DENND5B: variants seen among roughly 807,000 people sequenced by gnomAD.
DENND5B encodes DENN domain containing 5B.
A neutral mutation model predicts 140.6 loss-of-function variants in DENND5B; 34 were observed. The observed-to-expected ratio is 0.24, with a 90% CI of 0.18 to 0.32. DENND5B has a LOEUF of 0.32. Ranked by LOEUF, DENND5B falls within the 10% of genes least tolerant of loss-of-function variation. The pLI is 1.00. For synonymous variants in DENND5B, 551 were observed against 562.1 expected (o/e 0.98, Z 0.28); for missense variants, 1,142 against 1,560.2 (o/e 0.73, Z 4.52).
intron 6 of DENND5B, 52 bp downstream of exon 6, chr12:31,447,486 G>GA (rs1944323856): frequency 6.7e-7 from 1 of 1,502,886 alleles, no homozygotes. Context: ...CAATTTGTGG[G>GA]AAAAAAGCGA....
intron 7 of DENND5B, among the ~76,000 whole-genome samples, chr12:31,435,510 C>T (rs10771830): frequency 0.38 from 58,285 of 151,964 alleles, 12,045 homozygotes; most frequent in East Asian, 0.57. Context: ...CCTCGTGGCC[C>T]TCTGTAGTCA....
chr12:31,468,132 T>C (rs887389694), intron 3 of DENND5B, among the ~76,000 whole-genome samples: 1 of 152,082 alleles, frequency 6.6e-6, no homozygotes, highest in African/African-American at 2.4e-5. Context: ...CATGCACCTG[T>C]AGTCCCAGCT....
rs1297030049 is a variant in DENND5B, at chr12:31,480,224, G to A, written c.269C>T (p.Thr90Ile). ...LCMPKGLSFRTQTDNKDPQFH... is the reference protein window; with the variant it reads ...LCMPKGLSFRIQTDNKDPQFH... Reference sequence around the variant, plus strand: ...CTGGGGGTCTTTATTGTCCGTTTGTGTCCTGAAAGATAGCCCTTTAGGCAT... The same window carrying A: ...CTGGGGGTCTTTATTGTCCGTTTGTATCCTGAAAGATAGCCCTTTAGGCAT... Residue 90 changes from threonine (T) to isoleucine (I), a missense_variant, in exon 3 of 21, where the codon ACA becomes ATA. Coordinates refer to ENST00000389082, the MANE Select transcript of DENND5B (RefSeq NM_144973.4). 2 of 1,592,336 alleles carry A rather than the reference G, an allele frequency of 1.3e-6. No homozygotes were observed. Among genetic ancestry groups the A allele is most frequent in the South Asian group, 2.3e-5 (2 of 87,696 alleles).
At chr12:31,445,358 C>T (rs952855520) in intron 6 of DENND5B, among the ~76,000 whole-genome samples, 1 of 152,148 alleles carries the variant, frequency 6.6e-6, no homozygotes, top group Non-Finnish European at 1.5e-5. Context: ...AGTTACTTAA[C>T]CTCTCAGTTT....
At chr12:31,412,255 G>C (rs866250582) in intron 13 of DENND5B, among the ~76,000 whole-genome samples, 1 of 151,890 alleles carries the variant, frequency 6.6e-6, no homozygotes, top group Non-Finnish European at 1.5e-5. Flanking sequence ...ACCTCGAAGA[G>C]GGTTTCTTGA....
chr12:31,580,537 C>T (rs960371872), intron 1 of DENND5B, among the ~76,000 whole-genome samples: 2 of 151,880 alleles, frequency 1.3e-5, no homozygotes, highest in African/African-American at 4.8e-5. Context: ...CTCTGTTAAC[C>T]AGGCTGGAGT....
rs1940758992 is a variant in DENND5B at position 31,384,392 on chromosome 12, CA to C, written c.*3210del. The C allele has an allele frequency of 1.3e-5, 2 of 152,184 alleles. No individual in the cohort carries two copies. The highest frequency in any genetic ancestry group is 6.5e-5 in the Admixed American group (1 of 15,270). 9.4% of individuals were successfully genotyped at this position (152,184 alleles called of 1,614,324 possible). A position where few individuals can be genotyped will look rare whatever the true frequency, so the allele number is the denominator to read the frequency against. ...CAGCTTAAGCATCCTTTTCATTGAT[CA>C]AACTTGGATCCTAAGGACTATTTCC... On this transcript the variant is annotated 3_prime_UTR_variant, in exon 21 of 21. Coordinates refer to ENST00000389082, the MANE Select transcript of DENND5B (RefSeq NM_144973.4).
At chr12:31,495,698 T>C in intron 2 of DENND5B, 112 bp downstream of exon 2, 1 of 890,914 alleles carries the variant, frequency 1.1e-6, no homozygotes, top group East Asian at 2.8e-5. Context: ...TAAAATCACT[T>C]AAAGAATAAA....
chr12:31,399,824 T>C, intron 15 of DENND5B, 52 bp from the exon 16 acceptor site: 2 of 1,413,190 alleles, frequency 1.4e-6, no homozygotes, highest in Non-Finnish European at 2.0e-6. Flanking sequence ...TCCTGTTACA[T>C]CTCAGCTTTA....
At chr12:31,475,375 A>T (rs1433759984) in intron 3 of DENND5B, among the ~76,000 whole-genome samples, 6 of 152,108 alleles carry the variant, frequency 3.9e-5, no homozygotes, top group Non-Finnish European at 8.8e-5. Context: ...CCATATCCAT[A>T]AATGCTTATT....
intron 19 of DENND5B, among the ~76,000 whole-genome samples, chr12:31,391,180 C>T (rs1446195913): frequency 6.6e-6 from 1 of 152,166 alleles, no homozygotes; most frequent in African/African-American, 2.4e-5. Flanking sequence ...CTCCTACTTT[C>T]TCTCTCTTGC....
intron 1 of DENND5B, among the ~76,000 whole-genome samples, chr12:31,527,144 A>C (rs1948113087): frequency 1.3e-5 from 2 of 152,334 alleles, no homozygotes; most frequent in East Asian, 1.9e-4. Flanking sequence ...AGGGATCAGC[A>C]CTGGGAAGCA....
rs1251563506 is a variant in DENND5B at position 31,392,176 on chromosome 12, C to G, written c.3466+91G>C. On this transcript the variant is annotated intron_variant, in intron 19 of 20. Transcript: ENST00000389082. ...AGAAAAAAAATATATATATCCTTAT[C>G]ACTAACCCTTATTCACTCAGATTCC... 2.2e-6 allele frequency: 3 copies of G among 1,386,482 alleles called. No individual in the cohort carries two copies. In the African/African-American group the frequency reaches 4.4e-5, roughly 20 times the overall value. 85.9% of individuals were successfully genotyped at this position (1,386,482 alleles called of 1,614,324 possible).
intron 7 of DENND5B, among the ~76,000 whole-genome samples, chr12:31,437,524 G>C (rs1476719915): frequency 6.6e-6 from 1 of 152,130 alleles, no homozygotes; most frequent in Non-Finnish European, 1.5e-5. Flanking sequence ...ATATAGATAT[G>C]TAATAACAAA....
intron 8 of DENND5B, among the ~76,000 whole-genome samples, chr12:31,427,288 CTCTT>C (rs1555143225): frequency 2.0e-5 from 3 of 152,002 alleles, no homozygotes; most frequent in Non-Finnish European, 4.4e-5. Flanking sequence ...TGTGCTCTCT[CTCTT>C]CTTTCTATGC....
chr12:31,587,007 T>C (rs960022292), intron 1 of DENND5B, among the ~76,000 whole-genome samples: 4 of 152,180 alleles, frequency 2.6e-5, no homozygotes, highest in African/African-American at 9.7e-5. Flanking sequence ...TATGACATTC[T>C]CCTGTTTTCC....
At chr12:31,428,454 A>G (rs545003620) in intron 8 of DENND5B, among the ~76,000 whole-genome samples, 1 of 151,820 alleles carries the variant, frequency 6.6e-6, no homozygotes, top group East Asian at 1.9e-4. Context: ...CAGGCTGAAC[A>G]GCAGTGGTGC....
intron 4 of DENND5B, among the ~76,000 whole-genome samples, chr12:31,455,443 A>G (rs1053443962): frequency 1.3e-5 from 2 of 152,208 alleles, no homozygotes; most frequent in African/African-American, 4.8e-5. Flanking sequence ...GGCTTTGATT[A>G]TCTCAAAGTA....
intron 13 of DENND5B, among the ~76,000 whole-genome samples, chr12:31,412,204 T>C (rs1490506949): frequency 2.6e-5 from 4 of 152,186 alleles, no homozygotes; most frequent in Non-Finnish European, 5.9e-5. Flanking sequence ...CACCTTGGCC[T>C]CCCAAAGTGT....
Sources: allele counts gnomAD v4.1 joint callset (sites outside exome capture counted in the v4.1 genomes callset), GRCh38; gene constraint gnomAD v4.1.1; transcripts MANE v1.5; gene names NCBI Gene and HGNC (gene_info 2026-07-23, HGNC 2026-07-21).